The following SH3PXD2A variants were observed in gnomAD, a reference collection of about 807,000 sequenced individuals.
SH3PXD2A encodes the protein SH3 and PX domains 2A, also known as SH3 and PX domain-containing protein 2A.
In SH3PXD2A, 32 loss-of-function variants were observed where a neutral mutation model predicts 115.2. The ratio of observed to expected loss-of-function variants is 0.28; its 90% CI spans 0.21 to 0.37. SH3PXD2A has a LOEUF of 0.37. SH3PXD2A is among the 10% of genes least tolerant of loss of function. The probability of loss-of-function intolerance (pLI) is 1.00; values close to 1 mark genes in which losing one functional copy is unlikely to be tolerated. For synonymous variants in SH3PXD2A, 610 were observed against 629.1 expected, an observed-to-expected ratio of 0.97 and a Z score of 0.45; for missense variants, 1,328 against 1,498.7, an observed-to-expected ratio of 0.89 and a Z score of 1.88.
rs1383183502 is a variant in SH3PXD2A, at chr10:103,599,353, G to C, written c.*2463C>G. 6.5e-6 allele frequency: 1 copy of C among 152,764 alleles called. No individual in the cohort carries two copies. The highest frequency in any genetic ancestry group is 1.5e-5 in the Non-Finnish European group (1 of 68,160). 9.5% of individuals were successfully genotyped at this position (152,764 alleles called of 1,614,324 possible). The stretch of plus-strand genomic sequence containing the variant: ...AGGCTCTCGGGAGCACTGTGGTCCA[G>C]TCCAACTGAGATGCTCTGTGCTTGG... On this transcript the variant is annotated 3_prime_UTR_variant, in exon 15 of 15. Coordinates refer to ENST00000369774, the MANE Select transcript of SH3PXD2A (RefSeq NM_001394015.1).
intron 1 of SH3PXD2A, among the ~76,000 whole-genome samples, chr10:103,854,352 G>A (rs1265281103): frequency 6.6e-6 from 1 of 152,170 alleles, no homozygotes; most frequent in Non-Finnish European, 1.5e-5. Flanking sequence ...GAGGGGTCAA[G>A]GACACCGTGT....
At position 103,601,878 on chromosome 10, in the gene SH3PXD2A, G is replaced by C; in HGVS notation, c.3340C>G (p.Leu1114Val). The change falls in exon 15 of 15, where the codon CTG (leucine) becomes GTG (valine). Residue 1114 changes from leucine to valine, a missense_variant. This residue lies in a region of SH3PXD2A where 45 missense variants were observed against 73.6 expected (regional missense o/e 0.61). Coordinates refer to ENST00000369774, the MANE Select transcript of SH3PXD2A (RefSeq NM_001394015.1). ...NPNGWWYCQI[L>V]DGVKPFKGWV... ...CCTTTGAAGGGCTTCACACCATCCA[G>C]GATCTGGCAGTACCACCAGCCATTA... The C allele has an allele frequency of 6.2e-7, 1 of 1,613,790 alleles. No individual in the cohort carries two copies. Among genetic ancestry groups the C allele is most frequent in the South Asian group, 1.1e-5 (1 of 91,062 alleles).
intron 7 of SH3PXD2A, among the ~76,000 whole-genome samples, chr10:103,664,247 T>C (rs1046636943): frequency 3.9e-5 from 6 of 152,194 alleles, no homozygotes; most frequent in Non-Finnish European, 2.9e-5. Flanking sequence ...AAAGAAAGGC[T>C]CCAGCAACAA....
intron 8 of SH3PXD2A, among the ~76,000 whole-genome samples, chr10:103,637,552 C>T (rs561247310): frequency 1.3e-5 from 2 of 152,202 alleles, no homozygotes; most frequent in East Asian, 3.9e-4. Context: ...ACAGCAGCAG[C>T]CCACTTCCAG....
At chr10:103,675,958 G>T (rs1157113475) in intron 6 of SH3PXD2A, among the ~76,000 whole-genome samples, 2 of 152,086 alleles carry the variant, frequency 1.3e-5, no homozygotes, top group Non-Finnish European at 2.9e-5. Context: ...AGAATTGCTT[G>T]AATCCGGGAG....
intron 8 of SH3PXD2A, among the ~76,000 whole-genome samples, chr10:103,639,789 C>G (rs972823176): frequency 1.3e-5 from 2 of 152,106 alleles, no homozygotes; most frequent in African/African-American, 4.8e-5. Context: ...AAGGTAAACT[C>G]TAATGTCACA....
intron 8 of SH3PXD2A, among the ~76,000 whole-genome samples, chr10:103,629,997 T>C (rs959920734): frequency 2.0e-5 from 3 of 152,230 alleles, no homozygotes; most frequent in Admixed American, 2.0e-4. Flanking sequence ...AAAATATTAC[T>C]GAGGCTTGCA....
chr10:103,614,903 T>C (rs919084962), intron 11 of SH3PXD2A, among the ~76,000 whole-genome samples: 16 of 152,224 alleles, frequency 1.1e-4, no homozygotes, highest in African/African-American at 2.9e-4. Context: ...CCTTACGTTC[T>C]GTCACAGAAA....
intron 1 of SH3PXD2A, among the ~76,000 whole-genome samples, chr10:103,804,245 C>G (rs917369027): frequency 1.3e-5 from 2 of 151,316 alleles, no homozygotes; most frequent in East Asian, 3.9e-4. Flanking sequence ...TTAGGGTGCC[C>G]GGGCTGAGGA....
intron 4 of SH3PXD2A, among the ~76,000 whole-genome samples, chr10:103,731,762 T>C (rs2038322466): frequency 6.6e-6 from 1 of 152,022 alleles, no homozygotes; most frequent in Non-Finnish European, 1.5e-5. Context: ...AATCCCACAG[T>C]GGAAGGGAGA....
chr10:103,778,346 G>A (rs761450797), intron 2 of SH3PXD2A, among the ~76,000 whole-genome samples: 4 of 152,042 alleles, frequency 2.6e-5, no homozygotes, highest in African/African-American at 4.8e-5. Flanking sequence ...AAAAAAAGGC[G>A]GGGGGAAATG....
At chr10:103,753,144 T>C (rs965032478) in intron 3 of SH3PXD2A, among the ~76,000 whole-genome samples, 3 of 151,842 alleles carry the variant, frequency 2.0e-5, no homozygotes, top group African/African-American at 7.3e-5. Context: ...CTCCAGACAG[T>C]ACATCTTTGG....
At chr10:103,622,583 G>A (rs1018427473) in intron 9 of SH3PXD2A, 30 bp from the exon 10 acceptor site, 14 of 1,466,144 alleles carry the variant, frequency 9.5e-6, no homozygotes, top group Admixed American at 5.9e-5. Context: ...TGGAGCATGC[G>A]GCCAACAGCA....
chr10:103,674,231 G>C (rs945841161), intron 6 of SH3PXD2A, among the ~76,000 whole-genome samples: 1 of 152,224 alleles, frequency 6.6e-6, no homozygotes, highest in Non-Finnish European at 1.5e-5. Context: ...GGGCCTAAGA[G>C]ATGCTAGTCC....
intron 1 of SH3PXD2A, among the ~76,000 whole-genome samples, chr10:103,832,471 C>A (rs1323155791): frequency 6.6e-6 from 1 of 151,934 alleles, no homozygotes; most frequent in East Asian, 1.9e-4. Flanking sequence ...ATACTACACA[C>A]TATTCACAAT....
chr10:103,751,868 C>T lies in SH3PXD2A; in HGVS notation c.229+15226G>A, dbSNP rs114983383. Among the ~76,000 whole-genome samples, 1,133 of 152,318 alleles carry T rather than the reference C, an allele frequency of 7.4e-3. 10 individuals are homozygous for T. Among genetic ancestry groups the T allele is most frequent in the African/African-American group, 0.026 (1,079 of 41,568 alleles). On this transcript the variant is annotated intron_variant, in intron 3 of 14. Coordinates refer to ENST00000369774, the MANE Select transcript of SH3PXD2A (RefSeq NM_001394015.1). ...GAGACACCAAAGCAACCGAATAACC[C>T]GCACTCCCTGTCCAGGCCCTCGTGA...
chr10:103,630,747 A>T (rs2036766895), intron 8 of SH3PXD2A, among the ~76,000 whole-genome samples: 1 of 83,694 alleles, frequency 1.2e-5, no homozygotes. Context: ...CCTTCTCTTA[A>T]AAAAAAAAAA....
chr10:103,615,089 G>T (rs924000256), intron 11 of SH3PXD2A, among the ~76,000 whole-genome samples: 1 of 152,336 alleles, frequency 6.6e-6, no homozygotes, highest in Non-Finnish European at 1.5e-5. Flanking sequence ...AATCTTATGT[G>T]AGCCAACAAC....
rs2036535550 is a variant in SH3PXD2A at position 103,617,381 on chromosome 10, C to T, written c.803-67G>A. 26 of 1,121,550 alleles carry T rather than the reference C, an allele frequency of 2.3e-5. 1 individual carries two copies. The South Asian group carries it at 3.0e-4, about 13-fold the overall frequency. The allele number at this position is 1,121,550 out of a possible 1,614,324, so 69.5% of individuals were successfully genotyped here. A position where few individuals can be genotyped will look rare whatever the true frequency, so the allele number is the denominator to read the frequency against. On this transcript the variant is annotated intron_variant, in intron 10 of 14. Transcript: ENST00000369774. ...GTGCAGGTCCTGCTTCCTGTCCCCT[C>T]CTCCTGCCCTGGCCTGGCTTTTGCT... is the stretch of plus-strand genomic sequence containing the variant.
Sources: gnomAD v4.1 joint callset for allele counts (sites outside exome capture counted in the v4.1 genomes callset) on GRCh38, gnomAD v4.1.1 for gene constraint, gnomAD v4.1.1 regional missense constraint, MANE v1.5 for transcripts, NCBI Gene and HGNC (gene_info 2026-07-23, HGNC 2026-07-21) for gene names.